The following CADM2 variants were observed in gnomAD, a reference collection of about 807,000 sequenced individuals.
CADM2 encodes cell adhesion molecule 2, also known as immunoglobulin superfamily member 4D.
Under a neutral mutation model 49.8 loss-of-function variants are expected in CADM2, and 12 were observed. The ratio of observed to expected loss-of-function variants is 0.24; its 90% CI spans 0.15 to 0.39. The LOEUF (loss-of-function observed/expected upper bound fraction) is 0.39. CADM2 is among the 10% of genes least tolerant of loss of function. The pLI is 1.00. For synonymous variants in CADM2, 214 were observed against 175.4 expected, an observed-to-expected ratio of 1.22 and a Z score of -1.74; for missense variants, 378 against 492.3, an observed-to-expected ratio of 0.77 and a Z score of 2.20.
intron 1 of CADM2, among the ~76,000 whole-genome samples, chr3:85,036,717 T>G (rs905584216): frequency 6.6e-6 from 1 of 152,182 alleles, no homozygotes; most frequent in Admixed American, 6.5e-5. Context: ...TGCACAAACC[T>G]AATAGTTTAG....
intron 1 of CADM2, among the ~76,000 whole-genome samples, chr3:85,462,588 C>A (rs775934815): frequency 2.0e-5 from 3 of 152,124 alleles, no homozygotes; most frequent in Non-Finnish European, 4.4e-5. Flanking sequence ...TATTCTAAAT[C>A]ATTCCAACAC....
rs181412241 is a variant in CADM2, at chr3:85,158,281, G to T, written c.61+198613G>T. 3.2e-3 allele frequency among the ~76,000 whole-genome samples: 489 copies of T among 152,300 alleles called. 4 individuals carry two copies. The highest frequency in any genetic ancestry group is 7.4e-3 in the Admixed American group (114 of 15,306). ...GTTCAACCATTGTGGAAGACAGTGT[G>T]GCAATTCCTCAGGGATCTAGAACTA... On this transcript the variant is annotated intron_variant, in intron 1 of 9. Coordinates refer to ENST00000383699, the MANE Select transcript of CADM2 (RefSeq NM_001167675.2).
At chr3:85,662,763 A>G (rs1269916989) in intron 1 of CADM2, among the ~76,000 whole-genome samples, 4 of 151,990 alleles carry the variant, frequency 2.6e-5, no homozygotes, top group Admixed American at 1.3e-4. Flanking sequence ...TTCCTCCTCT[A>G]TAGTTCCATT....
At chr3:85,364,114 G>A (rs1466398942) in intron 1 of CADM2, among the ~76,000 whole-genome samples, 1 of 152,020 alleles carries the variant, frequency 6.6e-6, no homozygotes. Context: ...TTATGTTAAG[G>A]CTCTATTAAA....
intron 1 of CADM2, among the ~76,000 whole-genome samples, chr3:85,133,782 A>G (rs1180004956): frequency 1.3e-5 from 2 of 152,248 alleles, no homozygotes; most frequent in Admixed American, 1.3e-4. Context: ...CAGACTCAGG[A>G]GCCCAGCTGG....
intron 8 of CADM2, among the ~76,000 whole-genome samples, chr3:86,021,279 T>G (rs1482402135): frequency 1.3e-5 from 2 of 152,010 alleles, no homozygotes; most frequent in Non-Finnish European, 2.9e-5. Context: ...GGATTTCAAG[T>G]GTGAGTCACC....
intron 7 of CADM2, among the ~76,000 whole-genome samples, chr3:85,951,133 A>G (rs1723376177): frequency 6.6e-6 from 1 of 151,100 alleles, no homozygotes; most frequent in Admixed American, 6.6e-5. Flanking sequence ...GGGCAATGCC[A>G]TCTCAATACT....
chr3:86,010,964 A>G (rs572727541), intron 8 of CADM2, among the ~76,000 whole-genome samples: 35 of 151,438 alleles, frequency 2.3e-4, no homozygotes, highest in African/African-American at 4.4e-4. Flanking sequence ...ATAAGTTATA[A>G]AAAGTATTTA....
In CADM2 at chr3:86,069,759, C is replaced by T. The variant is rs1004973689; in HGVS notation, c.*2976C>T. 9 of 152,024 alleles carry T rather than the reference C, an allele frequency of 5.9e-5. No homozygotes were observed. The highest frequency in any genetic ancestry group is 2.0e-4 in the Admixed American group (3 of 15,254). The allele number at this position is 152,024 out of a possible 1,614,324, so 9.4% of individuals were successfully genotyped here. A position where few individuals can be genotyped will look rare whatever the true frequency, so the allele number is the denominator to read the frequency against. On this transcript the variant is annotated 3_prime_UTR_variant, in exon 10 of 10. Transcript: ENST00000383699. The stretch of plus-strand genomic sequence containing the variant: ...ATTCTTTACCAAAAGTAGCTATTCT[C>T]TGCCAGTGTACTGTTTACAGTGTAA...
chr3:85,683,064 T>A (rs1160703221), intron 1 of CADM2, among the ~76,000 whole-genome samples: 2 of 152,102 alleles, frequency 1.3e-5, no homozygotes, highest in African/African-American at 4.8e-5. Flanking sequence ...TATTCTGGTG[T>A]CACTATGCAA....
At chr3:85,965,460 A>G (rs371626340) in intron 8 of CADM2, among the ~76,000 whole-genome samples, 1 of 151,414 alleles carries the variant, frequency 6.6e-6, no homozygotes, top group South Asian at 2.1e-4. Flanking sequence ...TACCAAGGAC[A>G]ATCAAACTCC....
intron 1 of CADM2, among the ~76,000 whole-genome samples, chr3:85,433,941 G>C (rs960446820): frequency 6.6e-6 from 1 of 151,870 alleles, no homozygotes; most frequent in Non-Finnish European, 1.5e-5. Flanking sequence ...GGATCCCTGG[G>C]GTCAGGTTAC....
At chr3:84,992,842 C>T (rs902717840) in intron 1 of CADM2, among the ~76,000 whole-genome samples, 2 of 152,036 alleles carry the variant, frequency 1.3e-5, no homozygotes, top group Non-Finnish European at 2.9e-5. Context: ...AAACTTGCTA[C>T]GTCATGATAA....
At chr3:86,043,392 C>G (rs1736212884) in intron 8 of CADM2, among the ~76,000 whole-genome samples, 1 of 152,172 alleles carries the variant, frequency 6.6e-6, no homozygotes, top group South Asian at 2.1e-4. Flanking sequence ...TCTCAGGATA[C>G]AAAATCAATG....
At chr3:85,658,669 C>A (rs1167378638) in intron 1 of CADM2, among the ~76,000 whole-genome samples, 1 of 141,858 alleles carries the variant, frequency 7.0e-6, no homozygotes, top group Non-Finnish European at 1.5e-5. Context: ...TAACATCTTT[C>A]TGAAATTTCC....
chr3:85,097,790 T>C (rs2037858243), intron 1 of CADM2, among the ~76,000 whole-genome samples: 1 of 152,218 alleles, frequency 6.6e-6, no homozygotes, highest in African/African-American at 2.4e-5. Flanking sequence ...ATCTTCAAGT[T>C]GAGTGGTCTT....
At chr3:85,324,518 A>G (rs1184666043) in intron 1 of CADM2, among the ~76,000 whole-genome samples, 1 of 152,222 alleles carries the variant, frequency 6.6e-6, no homozygotes, top group African/African-American at 2.4e-5. Flanking sequence ...CAGACATACT[A>G]GTGAATTAAA....
At chr3:85,139,255 A>G (rs2039507543) in intron 1 of CADM2, among the ~76,000 whole-genome samples, 1 of 152,208 alleles carries the variant, frequency 6.6e-6, no homozygotes, top group Non-Finnish European at 1.5e-5. Flanking sequence ...ACACACAGAA[A>G]CACAAACACA....
chr3:85,669,580 C>A (rs1376405390), intron 1 of CADM2, among the ~76,000 whole-genome samples: 1 of 152,118 alleles, frequency 6.6e-6, no homozygotes, highest in Non-Finnish European at 1.5e-5. Flanking sequence ...AATCTCATCA[C>A]AGTGTGAATG....
Sources: gnomAD v4.1 joint callset for allele counts (sites outside exome capture counted in the v4.1 genomes callset) on GRCh38, gnomAD v4.1.1 for gene constraint, MANE v1.5 for transcripts, NCBI Gene and HGNC (gene_info 2026-07-23, HGNC 2026-07-21) for gene names.